Variants in NID1 observed in about 807,000 individuals in gnomAD.
NID1 encodes nidogen 1.
A neutral mutation model predicts 130.6 loss-of-function variants in NID1; 76 were observed. The observed-to-expected ratio is 0.58, with a 90% CI of 0.48 to 0.70. NID1 has a LOEUF of 0.70. Among genes scored for constraint, NID1 ranks in the 30% least tolerant of loss-of-function variants. The pLI is 0.00. For missense variants in NID1, 1,517 were observed against 1,664.8 expected (o/e 0.91, Z 1.54); for synonymous variants, 665 against 675.1 (o/e 0.98, Z 0.23).
At chr1:235,980,445 C>T in intron 17 of NID1, 51 bp downstream of exon 17, 4 of 1,595,664 alleles carry the variant, frequency 2.5e-6, no homozygotes, top group Non-Finnish European at 3.4e-6. Context: ...TTGCCCACCC[C>T]TGACTTAGGA....
rs560889632 is a variant in NID1 at position 236,000,183 on chromosome 1, C to A, written c.2528-6311G>T. On this transcript the variant is annotated intron_variant, in intron 12 of 19. Transcript: ENST00000264187. ...GAGCTGAGATTGCGCCACTGCACTC[C>A]AGCCTGGGTGACAGAGCGAGACTCT... is the stretch of plus-strand genomic sequence containing the variant. Among the ~76,000 whole-genome samples the A allele has an allele frequency of 7.3e-4, 110 of 151,128 alleles. 1 individual carries two copies. Among genetic ancestry groups the A allele is most frequent in the Admixed American group, 5.2e-3 (80 of 15,268 alleles).
chr1:236,026,948 C>T (rs1658950277), intron 7 of NID1, among the ~76,000 whole-genome samples: 1 of 151,998 alleles, frequency 6.6e-6, no homozygotes, highest in Non-Finnish European at 1.5e-5. Context: ...ACCATGTTGG[C>T]CAGGCTGGTC....
chr1:236,065,027 A>G lies in NID1; in HGVS notation c.53T>C (p.Leu18Pro). 6.4e-7 allele frequency: 1 copy of G among 1,559,776 alleles called. No individual in the cohort carries two copies. The highest frequency in any genetic ancestry group is 8.7e-7 in the Non-Finnish European group (1 of 1,152,170). Residue 18 changes from leucine to proline, a missense_variant, in exon 1 of 20, where the codon CTG (leucine) becomes CCG (proline). Around this residue, in one of 3 missense-constraint regions of NID1, gnomAD observed 1,329 missense variants for 1,429.2 expected, o/e 0.93. Transcript: ENST00000264187. The surrounding 1 kb of genome is among the most constrained non-coding windows in gnomAD (Gnocchi z 4.1). ...CACAGGCCCCGCCAGCAGCAGCGGCAGCAGCAGCGCCCGCGTCCACGCAGC... is the reference window on the plus strand; with the variant it reads ...CACAGGCCCCGCCAGCAGCAGCGGCGGCAGCAGCGCCCGCGTCCACGCAGC... Reference protein sequence around the residue: ...IRAAWTRALLLPLLLAGPVGC... With the variant: ...IRAAWTRALLPPLLLAGPVGC...
chr1:236,003,589 G>A (rs1658151615), intron 12 of NID1, among the ~76,000 whole-genome samples: 1 of 152,048 alleles, frequency 6.6e-6, no homozygotes, highest in Non-Finnish European at 1.5e-5. Flanking sequence ...GAGGCCTCAG[G>A]CCAGGCACGA....
At chr1:236,015,088 C>G (rs974461091) in intron 10 of NID1, among the ~76,000 whole-genome samples, 3 of 152,210 alleles carry the variant, frequency 2.0e-5, no homozygotes, top group Non-Finnish European at 2.9e-5. Context: ...CAGCCCCTCA[C>G]AGTTGGCAGA....
chr1:236,051,235 G>A (rs912527710), intron 1 of NID1, among the ~76,000 whole-genome samples: 1 of 151,854 alleles, frequency 6.6e-6, no homozygotes. Context: ...GGATTTTCCA[G>A]GCCACTTATT....
chr1:236,041,089 G>A lies in NID1; in HGVS notation c.1135+821C>T, dbSNP rs555552725. 6.0e-5 allele frequency among the ~76,000 whole-genome samples: 9 copies of A among 151,196 alleles called. No individual in the cohort carries two copies. The South Asian group carries it at 1.9e-3, about 32-fold the overall frequency. On this transcript the variant is annotated intron_variant, in intron 4 of 19. Coordinates refer to ENST00000264187, the MANE Select transcript of NID1 (RefSeq NM_002508.3). Reference sequence around the variant, plus strand: ...TGTAAAACTTTTTTTTTCTTTTCGAGGCAGAGACTCACTCTGTTGCCAGGC... The same window carrying A: ...TGTAAAACTTTTTTTTTCTTTTCGAAGCAGAGACTCACTCTGTTGCCAGGC...
At chr1:236,017,681 G>A (rs768275119) in intron 9 of NID1, among the ~76,000 whole-genome samples, 4 of 152,228 alleles carry the variant, frequency 2.6e-5, no homozygotes, top group Non-Finnish European at 4.4e-5. Flanking sequence ...ACCGCCCCTA[G>A]CCTAAAATAA....
At chr1:236,055,823 G>A (rs1158703954) in intron 1 of NID1, among the ~76,000 whole-genome samples, 1 of 152,108 alleles carries the variant, frequency 6.6e-6, no homozygotes, top group Non-Finnish European at 1.5e-5. Flanking sequence ...CAGGTTTATT[G>A]AGGTATAACT....
chr1:235,977,905 C>T lies in NID1; in HGVS notation c.3706G>A (p.Asp1236Asn), dbSNP rs765742004. The T allele has an allele frequency of 1.9e-6, 3 of 1,614,182 alleles. No individual in the cohort carries two copies. Among genetic ancestry groups the T allele is most frequent in the Non-Finnish European group, 2.5e-6 (3 of 1,180,020 alleles). The change falls in exon 20 of 20, where the codon GAC (aspartate) becomes AAC (asparagine). Residue 1236 changes from aspartate to asparagine, a missense_variant. Asp to Asn is a conservative substitution (Grantham distance 23). Transcript: ENST00000264187. ...TPGSRTCRCP[D>N]NTLGVDCIEQ... The stretch of plus-strand genomic sequence containing the variant: ...ATACAGTCAACTCCCAAGGTGTTGT[C>T]AGGGCAACGGCAGGTCCTGCTCCCT...
At chr1:235,987,656 A>G (rs1269285960) in intron 14 of NID1, among the ~76,000 whole-genome samples, 1 of 152,184 alleles carries the variant, frequency 6.6e-6, no homozygotes, top group Non-Finnish European at 1.5e-5. Flanking sequence ...GAAACTATTG[A>G]AACACTGAAT....
At chr1:236,000,527 C>A (rs556496297) in intron 12 of NID1, among the ~76,000 whole-genome samples, 1 of 152,324 alleles carries the variant, frequency 6.6e-6, no homozygotes, top group South Asian at 2.1e-4. Context: ...CAACATACAT[C>A]TTACCTGTAT....
chr1:235,996,403 T>C (rs748668567), intron 12 of NID1, among the ~76,000 whole-genome samples: 1 of 152,102 alleles, frequency 6.6e-6, no homozygotes, highest in Non-Finnish European at 1.5e-5. Context: ...TTAAAAAATA[T>C]ATAATTTGTA....
chr1:236,016,373 T>C (rs1454901031), intron 10 of NID1, among the ~76,000 whole-genome samples: 1 of 152,032 alleles, frequency 6.6e-6, no homozygotes, highest in Non-Finnish European at 1.5e-5. Context: ...TAGCGAACAG[T>C]GAGGAAGAGG....
chr1:236,001,637 ACT>A (rs1429502326), intron 12 of NID1, among the ~76,000 whole-genome samples: 1 of 152,042 alleles, frequency 6.6e-6, no homozygotes, highest in Non-Finnish European at 1.5e-5. Context: ...TTACTTATGA[ACT>A]CTCTTCATGT....
intron 14 of NID1, among the ~76,000 whole-genome samples, chr1:235,985,742 G>C (rs1260830554): frequency 6.8e-6 from 1 of 146,682 alleles, no homozygotes; most frequent in Non-Finnish European, 1.5e-5. Flanking sequence ...GTGTGTGTGT[G>C]TGTGTGTGTG....
At position 235,985,499 on chromosome 1, in the gene NID1, C is replaced by T; in HGVS notation, c.2935G>A (p.Val979Ile). 1.2e-6 allele frequency: 2 copies of T among 1,614,112 alleles called. No individual in the cohort carries two copies. Among genetic ancestry groups the T allele is most frequent in the Non-Finnish European group, 1.7e-6 (2 of 1,179,976 alleles). ...CAGTCAAAGGCCAGTCCAATGATGA[C>T]TTTAGCCTGGATGTGAAGACCAGTG... ...AKAFLHVPAK[V>I]IIGLAFDCVD... Residue 979 changes from valine (V) to isoleucine (I), a missense_variant, in exon 15 of 20, where the codon GTC (valine) becomes ATC (isoleucine). Transcript: ENST00000264187.
At chr1:235,999,966 C>T (rs906952136) in intron 12 of NID1, among the ~76,000 whole-genome samples, 6 of 152,252 alleles carry the variant, frequency 3.9e-5, no homozygotes, top group East Asian at 1.9e-4. Context: ...GTAATCCCAG[C>T]GCTTTGGGAG....
At chr1:236,012,578 A>AAAAG (rs1553343927) in intron 11 of NID1, among the ~76,000 whole-genome samples, 7,034 of 98,222 alleles carry the variant, frequency 0.072, 526 homozygotes, top group African/African-American at 0.18. Context: ...AAAAAAAAAA[A>AAAAG]AAAGAAAGAA....
Sources: allele counts gnomAD v4.1 joint callset (sites outside exome capture counted in the v4.1 genomes callset), GRCh38; gene constraint gnomAD v4.1.1; regional missense constraint gnomAD v4.1.1; non-coding constraint Gnocchi (gnomAD v3.1); transcripts MANE v1.5; gene names NCBI Gene and HGNC (gene_info 2026-07-23, HGNC 2026-07-21).